TCEA1: variants seen among roughly 807,000 people sequenced by gnomAD.
TCEA1 encodes transcription elongation factor A protein 1.
Under a neutral mutation model 43.8 loss-of-function variants are expected in TCEA1, and 21 were observed. The observed-to-expected ratio is 0.48, with a 90% CI of 0.34 to 0.69. TCEA1 has a LOEUF of 0.69. TCEA1 is among the 30% of genes least tolerant of loss of function. TCEA1 has a pLI of 0.01. For missense variants in TCEA1, 250 were observed against 365.1 expected (o/e 0.68, Z 2.57); for synonymous variants, 104 against 117.5 (o/e 0.88, Z 0.75).
At chr8:54,004,306 AC>A (rs1256714029) in intron 2 of TCEA1, among the ~76,000 whole-genome samples, 1 of 152,148 alleles carries the variant, frequency 6.6e-6, no homozygotes, top group African/African-American at 2.4e-5. Flanking sequence ...AACAACAAAA[AC>A]ATATGCTCAC....
intron 8 of TCEA1, 33 bp from the exon 9 acceptor site, chr8:53,970,496 C>A: frequency 7.1e-7 from 1 of 1,402,820 alleles, no homozygotes; most frequent in Non-Finnish European, 9.9e-7. Flanking sequence ...GTACTTTTTG[C>A]AGTACTATTA....
chr8:53,985,183 A>C (rs1202724807), intron 6 of TCEA1, among the ~76,000 whole-genome samples: 5 of 151,920 alleles, frequency 3.3e-5, no homozygotes, highest in Admixed American at 3.3e-4. Context: ...TGCCCGGCTA[A>C]TTTTTGTATT....
chr8:53,970,353 TTAAG>T (rs1463580538), intron 9 of TCEA1, 35 bp downstream of exon 9: 1 of 1,352,072 alleles, frequency 7.4e-7, no homozygotes, highest in East Asian at 2.3e-5. Context: ...TCTTTCTATT[TTAAG>T]TGAGTATATA....
intron 2 of TCEA1, among the ~76,000 whole-genome samples, chr8:54,002,069 TG>T (rs1289768192): frequency 1.1e-4 from 17 of 151,114 alleles, no homozygotes; most frequent in African/African-American, 3.7e-4. Context: ...CTCGGGAGGC[TG>T]AGACAGAAGA....
At chr8:54,010,987 T>C (rs1159484759) in intron 1 of TCEA1, among the ~76,000 whole-genome samples, 1 of 152,122 alleles carries the variant, frequency 6.6e-6, no homozygotes, top group East Asian at 1.9e-4. Context: ...GGCTAATTTT[T>C]GTATTTTTAG....
At chr8:53,987,158 C>T (rs1022412570) in intron 5 of TCEA1, 133 bp from the exon 6 acceptor site, 65 of 754,866 alleles carry the variant, frequency 8.6e-5, no homozygotes, top group Admixed American at 1.7e-4. Flanking sequence ...CAGTTTAGTT[C>T]GTTAGAATCT....
intron 8 of TCEA1, chr8:53,973,638 C>A: frequency 1.8e-6 from 1 of 566,514 alleles, no homozygotes. Context: ...GATTGTGGAG[C>A]ACCAGAACCT....
At chr8:53,981,754 CTTTT>C (rs113461227) in intron 7 of TCEA1, among the ~76,000 whole-genome samples, 2 of 140,746 alleles carry the variant, frequency 1.4e-5, no homozygotes, top group Non-Finnish European at 3.1e-5. Flanking sequence ...GTAATTCTGA[CTTTT>C]TTTTTTTTTT....
At chr8:54,000,654 A>G (rs1804226002) in intron 2 of TCEA1, among the ~76,000 whole-genome samples, 1 of 152,064 alleles carries the variant, frequency 6.6e-6, no homozygotes, top group South Asian at 2.1e-4. Flanking sequence ...CTTTCTAACA[A>G]CCCTTCAAAG....
chr8:54,010,416 A>G lies in TCEA1; in HGVS notation c.126+14T>C. 6.3e-7 allele frequency: 1 copy of G among 1,587,172 alleles called. No homozygotes were observed. On this transcript the variant is annotated intron_variant, in intron 2 of 9. Transcript: ENST00000521604. ...CTACCTATTAAAAAAACTTTGATGC[A>G]TAAAAGCACATACCTGCAGTAATTC...
intron 9 of TCEA1, among the ~76,000 whole-genome samples, chr8:53,968,482 T>A (rs1008251538): frequency 1.3e-5 from 2 of 152,106 alleles, no homozygotes; most frequent in African/African-American, 2.4e-5. Context: ...AAGTACTATG[T>A]CAAAACTTGT....
rs1244461786 is a variant in TCEA1 at position 53,967,374 on chromosome 8, T to C, written c.*730A>G. ...CTTCTAAACTACAACAGTGTTCTTC[T>C]GCAAAACTAAAACACATTATAAAGT... On this transcript the variant is annotated 3_prime_UTR_variant, in exon 10 of 10. Coordinates refer to ENST00000521604, the MANE Select transcript of TCEA1 (RefSeq NM_006756.4). 5.0e-6 allele frequency: 1 copy of C among 200,134 alleles called. No individual in the cohort carries two copies. Among genetic ancestry groups the C allele is most frequent in the African/African-American group, 2.3e-5 (1 of 43,482 alleles). 12.4% of individuals were successfully genotyped at this position (200,134 alleles called of 1,614,324 possible).
chr8:53,969,670 G>A (rs748560518), intron 9 of TCEA1, among the ~76,000 whole-genome samples: 8 of 152,078 alleles, frequency 5.3e-5, no homozygotes, highest in Non-Finnish European at 8.8e-5. Context: ...TTCAGTAATG[G>A]GAAGTGGCAA....
intron 1 of TCEA1, among the ~76,000 whole-genome samples, chr8:54,020,461 T>C (rs1315659432): frequency 1.3e-5 from 2 of 151,620 alleles, no homozygotes; most frequent in Admixed American, 6.6e-5. Flanking sequence ...TGAAATGAAA[T>C]ACGAGGCAAT....
Position 54,022,276 on chromosome 8 carries a change from CGCGGCGGCG to C in TCEA1, c.-160_-152del, listed in dbSNP as rs58021302. 70 of 883,816 alleles carry C rather than the reference CGCGGCGGCG, an allele frequency of 7.9e-5. No homozygotes were observed. The highest frequency in any genetic ancestry group is 9.9e-5 in the South Asian group (6 of 60,438). 54.7% of individuals were successfully genotyped at this position (883,816 alleles called of 1,614,324 possible). ...GGCCCCCTTCCTTACGAACGAAGCC[CGCGGCGGCG>C]GCGGCGGCGGCGGCGGCTCCGGCTC... On this transcript the variant is annotated 5_prime_UTR_variant, in exon 1 of 10. Transcript: ENST00000521604.
chr8:54,020,685 A>G (rs1348587852), intron 1 of TCEA1, among the ~76,000 whole-genome samples: 2 of 152,152 alleles, frequency 1.3e-5, no homozygotes, highest in Admixed American at 1.3e-4. Flanking sequence ...CCCTTTATGT[A>G]CTCACAGCTC....
chr8:54,009,693 A>G (rs1247254143), intron 2 of TCEA1: 1 of 152,250 alleles, frequency 6.6e-6, no homozygotes, highest in Non-Finnish European at 1.5e-5. Flanking sequence ...GGGAATGAAG[A>G]CAGGTTTGTT....
chr8:53,973,518 A>G, intron 8 of TCEA1: 1 of 510,158 alleles, frequency 2.0e-6, no homozygotes, highest in South Asian at 1.7e-5. Context: ...AAATCTGCAA[A>G]AGATGGCACA....
rs952303089 is a variant in TCEA1, at chr8:54,010,472, T to G, written c.84A>C (p.Leu28=). The part of the protein sequence containing the change: ...KKNAAGALDL[L]KELKNIPMTL... ...TCATAGGAATATTCTTAAGCTCCTT[T>G]AGCAAATCCAATGCTCCAGCCTATA... Residue 28 remains leucine, a synonymous_variant, in exon 2 of 10, where the codon CTA becomes CTC. Transcript: ENST00000521604. 1 of 1,605,758 alleles carries G rather than the reference T, an allele frequency of 6.2e-7. No individual in the cohort carries two copies. The highest frequency in any genetic ancestry group is 1.3e-5 in the African/African-American group (1 of 74,716).
Sources: allele counts gnomAD v4.1 joint callset (sites outside exome capture counted in the v4.1 genomes callset), GRCh38; gene constraint gnomAD v4.1.1; transcripts MANE v1.5; gene names NCBI Gene and HGNC (gene_info 2026-07-23, HGNC 2026-07-21).